Variants in PRKCA observed in about 807,000 individuals in gnomAD.
PRKCA encodes the protein protein kinase C alpha.
Under a neutral mutation model 87.0 loss-of-function variants are expected in PRKCA, and 27 were observed. That is an observed-to-expected ratio of 0.31 (90% CI 0.23 to 0.43). PRKCA has a LOEUF of 0.43. PRKCA is among the 20% of genes least tolerant of loss of function. PRKCA has a pLI of 1.00. For synonymous variants in PRKCA, 329 were observed against 311.1 expected, an observed-to-expected ratio of 1.06 and a Z score of -0.61; for missense variants, 518 against 852.3, an observed-to-expected ratio of 0.61 and a Z score of 4.88.
At chr17:66,519,781 C>G (rs915770188) in intron 3 of PRKCA, among the ~76,000 whole-genome samples, 2 of 152,224 alleles carry the variant, frequency 1.3e-5, no homozygotes, top group Non-Finnish European at 2.9e-5. Context: ...TCTGAAGCAG[C>G]AAGGCAGCGG....
intron 2 of PRKCA, among the ~76,000 whole-genome samples, chr17:66,335,666 C>A (rs79079423): frequency 6.6e-6 from 1 of 151,394 alleles, no homozygotes; most frequent in Admixed American, 6.6e-5. Context: ...GAGTATATTG[C>A]GATCATTTCC....
chr17:66,530,184 A>G (rs1967491774), intron 3 of PRKCA, among the ~76,000 whole-genome samples: 1 of 152,244 alleles, frequency 6.6e-6, no homozygotes, highest in Non-Finnish European at 1.5e-5. Flanking sequence ...TTGAACAGTC[A>G]TGGTGGAGAT....
At chr17:66,432,064 G>C (rs1913127237) in intron 2 of PRKCA, among the ~76,000 whole-genome samples, 1 of 152,152 alleles carries the variant, frequency 6.6e-6, no homozygotes, top group African/African-American at 2.4e-5. Context: ...ATTCAAGAAA[G>C]AGAACATTGC....
At chr17:66,654,889 G>A (rs535137913) in intron 5 of PRKCA, among the ~76,000 whole-genome samples, 3 of 152,348 alleles carry the variant, frequency 2.0e-5, no homozygotes, top group Admixed American at 6.5e-5. Flanking sequence ...GCTACAGGAC[G>A]TGTTTTGACA....
At chr17:66,615,261 A>T (rs1970484920) in intron 3 of PRKCA, among the ~76,000 whole-genome samples, 1 of 152,164 alleles carries the variant, frequency 6.6e-6, no homozygotes, top group Non-Finnish European at 1.5e-5. Context: ...AGAAGGGGAA[A>T]AATGTTTTCT....
chr17:66,781,837 T>C (rs1402604633), intron 14 of PRKCA, among the ~76,000 whole-genome samples: 1 of 148,002 alleles, frequency 6.8e-6, no homozygotes, highest in East Asian at 2.0e-4. Context: ...GCGGTTAAGA[T>C]GGTAAATTTT....
chr17:66,336,512 A>G (rs1297008352), intron 2 of PRKCA, among the ~76,000 whole-genome samples: 1 of 152,068 alleles, frequency 6.6e-6, no homozygotes, highest in Non-Finnish European at 1.5e-5. Context: ...TGTAAACTAA[A>G]GTTGGCCATT....
intron 8 of PRKCA, among the ~76,000 whole-genome samples, chr17:66,702,042 T>C (rs1328781416): frequency 6.6e-6 from 1 of 152,106 alleles, no homozygotes; most frequent in Non-Finnish European, 1.5e-5. Flanking sequence ...TTATTCACAA[T>C]AGCCAAGATA....
intron 3 of PRKCA, among the ~76,000 whole-genome samples, chr17:66,630,107 TCA>T (rs981705948): frequency 6.6e-6 from 1 of 152,196 alleles, no homozygotes; most frequent in Non-Finnish European, 1.5e-5. Flanking sequence ...ATTACTATTC[TCA>T]GAGTTACCAT....
chr17:66,661,438 G>A (rs1431944332), intron 5 of PRKCA, among the ~76,000 whole-genome samples: 5 of 152,184 alleles, frequency 3.3e-5, no homozygotes, highest in Non-Finnish European at 5.9e-5. Context: ...ATGCAGCCAG[G>A]CTCCTGCCTT....
At chr17:66,410,514 TTC>T (rs1911721123) in intron 2 of PRKCA, among the ~76,000 whole-genome samples, 1 of 152,214 alleles carries the variant, frequency 6.6e-6, no homozygotes, top group Admixed American at 6.5e-5. Context: ...TATTTTTGGT[TTC>T]TGAGAGCAGT....
chr17:66,688,281 G>C (rs1412829927), intron 6 of PRKCA, 21 bp from the exon 7 acceptor site: 1 of 1,613,274 alleles, frequency 6.2e-7, no homozygotes, highest in Non-Finnish European at 8.5e-7. Flanking sequence ...CCTAGTGTTT[G>C]CATGTGTGTG....
At chr17:66,370,549 C>CTTTTTTT (rs555797425) in intron 2 of PRKCA, among the ~76,000 whole-genome samples, 27 of 113,672 alleles carry the variant, frequency 2.4e-4, no homozygotes, top group African/African-American at 4.5e-4. Flanking sequence ...CTTTTCTTTT[C>CTTTTTTT]TTTTTTTTTT....
intron 5 of PRKCA, among the ~76,000 whole-genome samples, chr17:66,655,867 C>CT (rs58825921): frequency 0.57 from 87,229 of 151,988 alleles, 25,361 homozygotes; most frequent in African/African-American, 0.69. Flanking sequence ...AGCCACATGG[C>CT]TCTGGGATCC....
chr17:66,400,173 A>G (rs962850692), intron 2 of PRKCA, among the ~76,000 whole-genome samples: 3 of 152,064 alleles, frequency 2.0e-5, no homozygotes, highest in African/African-American at 4.8e-5. Flanking sequence ...GTTGTTTGAG[A>G]TGGAGTCTAG....
chr17:66,803,756 T>C lies in PRKCA; in HGVS notation c.1855-117T>C. 7.0e-7 allele frequency: 1 copy of C among 1,419,216 alleles called. No individual in the cohort carries two copies. Among genetic ancestry groups the C allele is most frequent in the Non-Finnish European group, 9.5e-7 (1 of 1,058,116 alleles). 87.9% of individuals were successfully genotyped at this position (1,419,216 alleles called of 1,614,324 possible). ...CCTGCAAGTCCTCCGAGATTCCTCC[T>C]CCTAACCAGCCCGGAGTTCCCCAGG... On this transcript the variant is annotated intron_variant, in intron 16 of 16. Transcript: ENST00000413366. The surrounding 1 kb of genome is among the most constrained non-coding windows in gnomAD (Gnocchi z 4.4).
chr17:66,645,570 T>A (rs560722209), intron 5 of PRKCA, 59 bp downstream of exon 5: 68 of 1,603,930 alleles, frequency 4.2e-5, no homozygotes, highest in African/African-American at 3.2e-4. Flanking sequence ...AAGGTTACAC[T>A]GATATTAAGG....
intron 2 of PRKCA, among the ~76,000 whole-genome samples, chr17:66,489,070 C>T (rs559428073): frequency 6.6e-6 from 1 of 152,038 alleles, no homozygotes; most frequent in African/African-American, 2.4e-5. Flanking sequence ...AACCATATCA[C>T]GTGATGGCAA....
At chr17:66,672,599 A>G (rs1361229511) in intron 5 of PRKCA, among the ~76,000 whole-genome samples, 4 of 152,258 alleles carry the variant, frequency 2.6e-5, no homozygotes, top group Non-Finnish European at 5.9e-5. Context: ...CTTGCACAGC[A>G]TAAATAGAAC....
Sources: allele counts gnomAD v4.1 joint callset (sites outside exome capture counted in the v4.1 genomes callset), GRCh38; gene constraint gnomAD v4.1.1; non-coding constraint Gnocchi (gnomAD v3.1); transcripts MANE v1.5; gene names NCBI Gene and HGNC (gene_info 2026-07-23, HGNC 2026-07-21).